Variants in SPECC1L observed in about 807,000 individuals in gnomAD.
SPECC1L encodes sperm antigen with calponin homology and coiled-coil domains 1 like.
Under a neutral mutation model 116.8 loss-of-function variants are expected in SPECC1L, and 40 were observed. The observed-to-expected ratio is 0.34, with a 90% CI of 0.27 to 0.45. The LOEUF is 0.45. Among genes scored for constraint, SPECC1L ranks in the 20% least tolerant of loss-of-function variants. SPECC1L has a pLI of 1.00. For synonymous variants in SPECC1L, 504 were observed against 500.6 expected, an observed-to-expected ratio of 1.01 and a Z score of -0.09; for missense variants, 1,110 against 1,373.6, an observed-to-expected ratio of 0.81 and a Z score of 3.03.
At chr22:24,368,704 T>G (rs543115047) in intron 13 of SPECC1L, among the ~76,000 whole-genome samples, 1 of 152,352 alleles carries the variant, frequency 6.6e-6, no homozygotes, top group African/African-American at 2.4e-5. Context: ...TGGAGTGCAA[T>G]GGCGTAATCT....
intron 14 of SPECC1L, among the ~76,000 whole-genome samples, chr22:24,385,929 T>G (rs906221452): frequency 1.3e-5 from 2 of 152,212 alleles, no homozygotes; most frequent in African/African-American, 4.8e-5. Context: ...CACCAGACAA[T>G]AGTGGATTGC....
rs201665129 is a variant in SPECC1L, at chr22:24,414,640, C to T, written c.*17C>T. ...GAGACCTGAGCATGCCGGGAGGAGCCGCCCCAATAGCGGGGGTACCCCTCC... is the reference window on the plus strand; with the variant it reads ...GAGACCTGAGCATGCCGGGAGGAGCTGCCCCAATAGCGGGGGTACCCCTCC... On this transcript the variant is annotated 3_prime_UTR_variant, in exon 17 of 17. Coordinates refer to ENST00000314328, the MANE Select transcript of SPECC1L (RefSeq NM_015330.6). 22 of 1,610,974 alleles carry T rather than the reference C, an allele frequency of 1.4e-5. No homozygotes were observed. The South Asian group carries it at 1.4e-4, about 10-fold the overall frequency.
intron 2 of SPECC1L, among the ~76,000 whole-genome samples, chr22:24,285,629 T>C (rs562122741): frequency 6.9e-6 from 1 of 144,548 alleles, no homozygotes; most frequent in Non-Finnish European, 1.5e-5. Flanking sequence ...AATACTGCTG[T>C]TTTTTTTTTT....
At chr22:24,314,298 C>T (rs1466353415) in intron 4 of SPECC1L, among the ~76,000 whole-genome samples, 2 of 152,188 alleles carry the variant, frequency 1.3e-5, no homozygotes, top group African/African-American at 4.8e-5. Flanking sequence ...ATCTGCCCGC[C>T]TCGGCCTCCC....
At chr22:24,366,429 G>A (rs1341065896) in intron 13 of SPECC1L, among the ~76,000 whole-genome samples, 3 of 152,050 alleles carry the variant, frequency 2.0e-5, no homozygotes, top group Admixed American at 6.5e-5. Context: ...TCCTGACCTC[G>A]TGATCCACCC....
Position 24,321,955 on chromosome 22 carries a change from C to G in SPECC1L, c.975C>G (p.Leu325=). The G allele has an allele frequency of 1.2e-6, 2 of 1,614,186 alleles. No homozygotes were observed. Among genetic ancestry groups the G allele is most frequent in the East Asian group, 2.2e-5 (1 of 44,880 alleles). ...CTGCCCCTGGCTCAGTGGAGGATCT[C>G]TTGAGTCAGGATGAAAATACACTAA... ...EGSAPGSVED[L]LSQDENTLMD... Residue 325 remains leucine, a synonymous_variant, in exon 5 of 17, where the codon CTC becomes CTG. Transcript: ENST00000314328.
intron 11 of SPECC1L, among the ~76,000 whole-genome samples, chr22:24,356,186 G>A (rs987950750): frequency 1.3e-5 from 2 of 151,974 alleles, no homozygotes; most frequent in African/African-American, 4.8e-5. Context: ...GTTAGATCTA[G>A]TTGGTTGTAT....
intron 10 of SPECC1L, among the ~76,000 whole-genome samples, chr22:24,342,823 CT>C (rs928036302): frequency 6.6e-6 from 1 of 151,880 alleles, no homozygotes; most frequent in Admixed American, 6.6e-5. Flanking sequence ...TTAAGTGGTC[CT>C]ACATACCTGA....
At chr22:24,395,874 C>T (rs1382635539) in intron 14 of SPECC1L, among the ~76,000 whole-genome samples, 1 of 152,172 alleles carries the variant, frequency 6.6e-6, no homozygotes, top group Non-Finnish European at 1.5e-5. Flanking sequence ...CTCTTGGCCT[C>T]AAGCAGTCTA....
At chr22:24,326,386 G>A (rs542643203) in intron 6 of SPECC1L, among the ~76,000 whole-genome samples, 3 of 152,292 alleles carry the variant, frequency 2.0e-5, no homozygotes, top group African/African-American at 2.4e-5. Context: ...GTGTGAGGTC[G>A]CAAGGAACCA....
intron 14 of SPECC1L, among the ~76,000 whole-genome samples, chr22:24,400,078 AGT>A (rs1317498899): frequency 6.6e-6 from 1 of 152,224 alleles, no homozygotes; most frequent in Non-Finnish European, 1.5e-5. Flanking sequence ...CTTTTATTTG[AGT>A]AAAACATATG....
intron 14 of SPECC1L, among the ~76,000 whole-genome samples, chr22:24,370,960 T>A (rs2146653256): frequency 6.6e-6 from 1 of 152,176 alleles, no homozygotes; most frequent in East Asian, 1.9e-4. Flanking sequence ...CAGTTTAGTT[T>A]TACAAAATGA....
At chr22:24,354,721 G>A (rs1289418859) in intron 11 of SPECC1L, among the ~76,000 whole-genome samples, 6 of 151,402 alleles carry the variant, frequency 4.0e-5, no homozygotes, top group Admixed American at 3.9e-4. Context: ...GAGTGCAACG[G>A]TGTGATCTCG....
chr22:24,318,380 G>A (rs1028557129), intron 4 of SPECC1L, among the ~76,000 whole-genome samples: 27 of 152,268 alleles, frequency 1.8e-4, no homozygotes, highest in African/African-American at 6.0e-4. Context: ...AACCAGTCAG[G>A]CGTGGCGGCG....
At chr22:24,413,473 C>G (rs2042740703) in intron 16 of SPECC1L, among the ~76,000 whole-genome samples, 1 of 152,194 alleles carries the variant, frequency 6.6e-6, no homozygotes, top group Non-Finnish European at 1.5e-5. Flanking sequence ...ATCTGGGGCC[C>G]TCCAGGGTCA....
chr22:24,406,812 G>A (rs78887468), intron 14 of SPECC1L, among the ~76,000 whole-genome samples: 3 of 152,212 alleles, frequency 2.0e-5, no homozygotes, highest in Non-Finnish European at 4.4e-5. Context: ...TTCTTGCACC[G>A]TGCCTTCCGA....
At chr22:24,327,598 G>A (rs987035542) in intron 6 of SPECC1L, among the ~76,000 whole-genome samples, 3 of 151,758 alleles carry the variant, frequency 2.0e-5, no homozygotes, top group Non-Finnish European at 4.4e-5. Flanking sequence ...AATGTCTATA[G>A]TTATGTTTTC....
At chr22:24,351,444 T>C (rs2041421970) in intron 11 of SPECC1L, among the ~76,000 whole-genome samples, 1 of 152,182 alleles carries the variant, frequency 6.6e-6, no homozygotes, top group African/African-American at 2.4e-5. Flanking sequence ...TCCTGGCTCT[T>C]ATTTTATCAT....
At chr22:24,314,359 T>G (rs2040519692) in intron 4 of SPECC1L, among the ~76,000 whole-genome samples, 1 of 152,230 alleles carries the variant, frequency 6.6e-6, no homozygotes. Flanking sequence ...AGAGAAGGAT[T>G]CTTTTAAAAA....
Sources: allele counts gnomAD v4.1 joint callset (sites outside exome capture counted in the v4.1 genomes callset), GRCh38; gene constraint gnomAD v4.1.1; transcripts MANE v1.5; gene names NCBI Gene and HGNC (gene_info 2026-07-23, HGNC 2026-07-21).